The following GFRA1 variants were observed in gnomAD, a reference collection of about 807,000 sequenced individuals.
GFRA1 encodes the protein GDNF family receptor alpha-1.
Under a neutral mutation model 51.6 loss-of-function variants are expected in GFRA1, and 16 were observed. The observed-to-expected ratio is 0.31, with a 90% confidence interval of 0.21 to 0.47. GFRA1 has a LOEUF of 0.47. GFRA1 is among the 20% of genes least tolerant of loss of function. The pLI is 1.00. For missense variants in GFRA1, 530 were observed against 594.3 expected (o/e 0.89, Z 1.13); for synonymous variants, 270 against 241.3 (o/e 1.12, Z -1.10).
In GFRA1 at chr10:116,058,041, T is replaced by TGTGTGA. The variant is rs557175351; in HGVS notation, c.*6356_*6357insTCACAC. 1 of 108,442 alleles carries TGTGTGA rather than the reference T, an allele frequency of 9.2e-6. No homozygotes were observed. The highest frequency in any genetic ancestry group is 9.8e-5 in the Admixed American group (1 of 10,214). The allele number at this position is 108,442 out of a possible 1,614,324, so 6.7% of individuals were successfully genotyped here. A position where few individuals can be genotyped will look rare whatever the true frequency, so the allele number is the denominator to read the frequency against. ...GTGTGTGTGTGTGTGTGTGTGTGTG[T>TGTGTGA]GACAGAGAGAACCACGCTTTATTGG... is the stretch of plus-strand genomic sequence containing the variant. On this transcript the variant is annotated 3_prime_UTR_variant, in exon 11 of 11. Coordinates refer to ENST00000355422, the MANE Select transcript of GFRA1 (RefSeq NM_005264.8).
At chr10:116,263,547 G>C (rs1425906620) in intron 4 of GFRA1, among the ~76,000 whole-genome samples, 4 of 152,180 alleles carry the variant, frequency 2.6e-5, no homozygotes, top group Non-Finnish European at 5.9e-5. Flanking sequence ...AGGTGCAAAG[G>C]TACGGAGGGA....
At chr10:116,218,210 T>C (rs1311694140) in intron 4 of GFRA1, among the ~76,000 whole-genome samples, 1 of 152,152 alleles carries the variant, frequency 6.6e-6, no homozygotes, top group Non-Finnish European at 1.5e-5. Context: ...CCTTTAACAC[T>C]GCCCGTCTCC....
intron 5 of GFRA1, among the ~76,000 whole-genome samples, chr10:116,134,850 T>C (rs921949672): frequency 6.6e-6 from 1 of 152,208 alleles, no homozygotes; most frequent in African/African-American, 2.4e-5. Context: ...GTCGCTTGCC[T>C]GCACCCTCTG....
chr10:116,135,120 C>A (rs376121134), intron 5 of GFRA1, among the ~76,000 whole-genome samples: 1 of 152,124 alleles, frequency 6.6e-6, no homozygotes, highest in Non-Finnish European at 1.5e-5. Flanking sequence ...TCAGGTGAGG[C>A]GCCTGGTAAG....
chr10:116,212,760 G>T (rs1462499581), intron 4 of GFRA1, among the ~76,000 whole-genome samples: 1 of 152,102 alleles, frequency 6.6e-6, no homozygotes, highest in Non-Finnish European at 1.5e-5. Context: ...TCACTGTGGG[G>T]TTATACTACA....
chr10:116,065,758 T>C (rs976216947), intron 9 of GFRA1, 132 bp from the exon 10 acceptor site: 11 of 691,722 alleles, frequency 1.6e-5, no homozygotes, highest in East Asian at 1.1e-4. Context: ...CCATATATAA[T>C]TGAACATTTT....
At chr10:116,228,162 C>A (rs1259023114) in intron 4 of GFRA1, among the ~76,000 whole-genome samples, 4 of 152,234 alleles carry the variant, frequency 2.6e-5, no homozygotes, top group Non-Finnish European at 5.9e-5. Context: ...TCTCCTCCCA[C>A]CACCCCATTA....
At chr10:116,116,031 C>T (rs932846067) in intron 6 of GFRA1, among the ~76,000 whole-genome samples, 5 of 152,162 alleles carry the variant, frequency 3.3e-5, no homozygotes, top group Non-Finnish European at 5.9e-5. Flanking sequence ...CTCTTCTTCA[C>T]GTCTGGTAAA....
At chr10:116,266,027 T>G (rs2083043679) in intron 4 of GFRA1, among the ~76,000 whole-genome samples, 1 of 152,170 alleles carries the variant, frequency 6.6e-6, no homozygotes, top group African/African-American at 2.4e-5. Flanking sequence ...ACAGGACGGT[T>G]TTTAGATTCC....
intron 5 of GFRA1, among the ~76,000 whole-genome samples, chr10:116,188,106 G>T (rs887897559): frequency 6.6e-6 from 1 of 152,156 alleles, no homozygotes; most frequent in Admixed American, 6.5e-5. Context: ...ATGAAAGGGA[G>T]CAAGCAGGAT....
At chr10:116,070,759 CTTTTTTTTTT>C (rs773344299) in intron 9 of GFRA1, among the ~76,000 whole-genome samples, 1 of 97,750 alleles carries the variant, frequency 1.0e-5, no homozygotes, top group African/African-American at 4.7e-5. Context: ...AGTCTGGAGC[CTTTTTTTTTT>C]TTTTTTTTTT....
intron 6 of GFRA1, among the ~76,000 whole-genome samples, chr10:116,109,918 C>T (rs1957142579): frequency 1.3e-5 from 2 of 152,130 alleles, no homozygotes. Flanking sequence ...AACACAGACA[C>T]TTCCAGTATC....
At chr10:116,197,707 G>A (rs1565644879) in intron 5 of GFRA1, among the ~76,000 whole-genome samples, 3 of 152,194 alleles carry the variant, frequency 2.0e-5, no homozygotes, top group Admixed American at 6.5e-5. Context: ...CACTAGAAGT[G>A]CTACAAAGAA....
chr10:116,104,030 T>C (rs1161242519), intron 6 of GFRA1, among the ~76,000 whole-genome samples: 1 of 152,060 alleles, frequency 6.6e-6, no homozygotes, highest in African/African-American at 2.4e-5. Flanking sequence ...TAGGACTGAG[T>C]GTGGAGACGC....
intron 4 of GFRA1, among the ~76,000 whole-genome samples, chr10:116,225,032 C>T (rs1966180556): frequency 6.6e-6 from 1 of 152,074 alleles, no homozygotes; most frequent in Non-Finnish European, 1.5e-5. Context: ...CTCCTCTCCT[C>T]AGGGGGTCAC....
chr10:116,260,611 C>G (rs1969228121), intron 4 of GFRA1, among the ~76,000 whole-genome samples: 1 of 151,802 alleles, frequency 6.6e-6, no homozygotes, highest in African/African-American at 2.4e-5. Context: ...ACAGCCCTGT[C>G]TATGTAAATC....
intron 5 of GFRA1, among the ~76,000 whole-genome samples, chr10:116,165,695 G>A (rs1416026101): frequency 1.9e-5 from 2 of 104,740 alleles, no homozygotes; most frequent in African/African-American, 4.0e-5. Flanking sequence ...ACACTCACAA[G>A]AGAGAAACTC....
At chr10:116,176,730 T>C (rs11197569) in intron 5 of GFRA1, among the ~76,000 whole-genome samples, 110 of 48,270 alleles carry the variant, frequency 2.3e-3, no homozygotes, top group South Asian at 6.7e-3. Context: ...CCCTCCCTCC[T>C]TCCTTCCTTC....
At chr10:116,123,345 A>G (rs748061001) in intron 6 of GFRA1, among the ~76,000 whole-genome samples, 4 of 152,206 alleles carry the variant, frequency 2.6e-5, no homozygotes, top group Non-Finnish European at 4.4e-5. Flanking sequence ...AACTCAGTTC[A>G]TAAGACGCTT....
Sources: gnomAD v4.1 joint callset for allele counts (sites outside exome capture counted in the v4.1 genomes callset) on GRCh38, gnomAD v4.1.1 for gene constraint, MANE v1.5 for transcripts, NCBI Gene and HGNC (gene_info 2026-07-23, HGNC 2026-07-21) for gene names.